The following GRIK2 variants were observed in gnomAD, a reference collection of about 807,000 sequenced individuals.
GRIK2 encodes the protein glutamate ionotropic receptor kainate type subunit 2, also known as glutamate receptor ionotropic, kainate 2.
Under a neutral mutation model 100.3 loss-of-function variants are expected in GRIK2, and 32 were observed. That is an observed-to-expected ratio of 0.32 (90% confidence interval 0.24 to 0.43). GRIK2 has a LOEUF of 0.43. GRIK2 is among the 20% of genes least tolerant of loss of function. The probability of loss-of-function intolerance (pLI) is 1.00; values close to 1 mark genes in which losing one functional copy is unlikely to be tolerated. For synonymous variants in GRIK2, 417 were observed against 389.4 expected, an observed-to-expected ratio of 1.07 and a Z score of -0.83; for missense variants, 843 against 1,114.9, an observed-to-expected ratio of 0.76 and a Z score of 3.47.
chr6:102,003,941 G>A (rs943088036), intron 14 of GRIK2, among the ~76,000 whole-genome samples: 2 of 151,392 alleles, frequency 1.3e-5, no homozygotes, highest in African/African-American at 4.8e-5. Flanking sequence ...AGGTATTAAA[G>A]TTTTATTTTT....
chr6:102,024,653 G>A (rs1308688257), intron 14 of GRIK2, among the ~76,000 whole-genome samples: 1 of 151,300 alleles, frequency 6.6e-6, no homozygotes, highest in African/African-American at 2.4e-5. Context: ...TCCCATTCTT[G>A]ATGTATGTGG....
chr6:101,412,682 T>C (rs571288967), intron 2 of GRIK2, among the ~76,000 whole-genome samples: 1 of 152,168 alleles, frequency 6.6e-6, no homozygotes, highest in African/African-American at 2.4e-5. Context: ...CATGTAAATA[T>C]GTAATTTCAA....
intron 3 of GRIK2, among the ~76,000 whole-genome samples, chr6:101,623,231 G>C (rs1243316529): frequency 1.3e-5 from 2 of 151,934 alleles, no homozygotes; most frequent in African/African-American, 4.8e-5. Flanking sequence ...CGAGATGAAA[G>C]TATCCTTCTT....
intron 12 of GRIK2, among the ~76,000 whole-genome samples, chr6:101,892,539 C>T (rs1006633989): frequency 2.6e-5 from 4 of 151,722 alleles, no homozygotes; most frequent in Non-Finnish European, 2.9e-5. Flanking sequence ...TTTACTGCTA[C>T]TGCTTTTATA....
At chr6:101,657,423 T>A (rs1365688900) in intron 4 of GRIK2, among the ~76,000 whole-genome samples, 1 of 152,174 alleles carries the variant, frequency 6.6e-6, no homozygotes, top group East Asian at 1.9e-4. Flanking sequence ...TAAACCTCTT[T>A]CCTTTATAAA....
intron 14 of GRIK2, among the ~76,000 whole-genome samples, chr6:101,933,814 C>T (rs1238581720): frequency 6.6e-6 from 1 of 151,884 alleles, no homozygotes; most frequent in Non-Finnish European, 1.5e-5. Context: ...ATAGAGCCCT[C>T]TATAGCTTTC....
At chr6:101,454,643 G>C (rs1323583835) in intron 2 of GRIK2, among the ~76,000 whole-genome samples, 2 of 151,988 alleles carry the variant, frequency 1.3e-5, no homozygotes, top group African/African-American at 4.8e-5. Context: ...TAAACCTTTG[G>C]TCAGTCCAAA....
chr6:101,700,706 T>C (rs534360585), intron 7 of GRIK2, among the ~76,000 whole-genome samples: 73 of 150,860 alleles, frequency 4.8e-4, no homozygotes, highest in Non-Finnish European at 8.2e-4. Flanking sequence ...GATCAGTCCC[T>C]TCTAACTTGA....
At chr6:101,502,217 A>T (rs1773793149) in intron 2 of GRIK2, among the ~76,000 whole-genome samples, 1 of 152,198 alleles carries the variant, frequency 6.6e-6, no homozygotes, top group African/African-American at 2.4e-5. Flanking sequence ...TCTATGAAGC[A>T]ATTTGGTACC....
chr6:101,792,925 C>G (rs1779988899), intron 7 of GRIK2, among the ~76,000 whole-genome samples: 1 of 152,034 alleles, frequency 6.6e-6, no homozygotes, highest in African/African-American at 2.4e-5. Flanking sequence ...TCTTTTTTCT[C>G]TAAACTTCCC....
chr6:101,781,201 TC>T (rs143917782), intron 7 of GRIK2, among the ~76,000 whole-genome samples: 6,912 of 152,240 alleles, frequency 0.045, 183 homozygotes, highest in Non-Finnish European at 0.057. Context: ...TATAGGTACT[TC>T]TTTCTTATCC....
intron 14 of GRIK2, among the ~76,000 whole-genome samples, chr6:102,000,946 C>A (rs79779936): frequency 6.6e-6 from 1 of 151,676 alleles, no homozygotes; most frequent in Non-Finnish European, 1.5e-5. Context: ...ATTTGTTTTT[C>A]TTTTTCTAAT....
chr6:101,720,503 G>C (rs181814890), intron 7 of GRIK2, among the ~76,000 whole-genome samples: 2 of 152,040 alleles, frequency 1.3e-5, no homozygotes, highest in African/African-American at 4.8e-5. Context: ...GTGTAGTATT[G>C]TCTATTAATA....
chr6:102,023,058 A>G (rs915767159), intron 14 of GRIK2, among the ~76,000 whole-genome samples: 3 of 151,542 alleles, frequency 2.0e-5, no homozygotes, highest in Non-Finnish European at 4.4e-5. Context: ...AGAGAATGGC[A>G]TACTGGAGAG....
intron 2 of GRIK2, among the ~76,000 whole-genome samples, chr6:101,523,312 T>C (rs1774975813): frequency 6.6e-6 from 1 of 152,122 alleles, no homozygotes; most frequent in Non-Finnish European, 1.5e-5. Context: ...AGGAATTTGC[T>C]GGAGGAAAAA....
At chr6:101,660,691 T>C (rs1769545718) in intron 4 of GRIK2, among the ~76,000 whole-genome samples, 1 of 152,162 alleles carries the variant, frequency 6.6e-6, no homozygotes, top group South Asian at 2.1e-4. Context: ...GTTGATGCCA[T>C]TCCTTTCTGT....
rs73761498 is a variant in GRIK2, at chr6:101,956,507, G to T, written c.2085+27875G>T. ...CCAATAGTGAACATTGTACACAATA[G>T]GTAATTTTCAATCCTCACTCCCTTC... On this transcript the variant is annotated intron_variant, in intron 14 of 16. Coordinates refer to ENST00000369134, the MANE Select transcript of GRIK2 (RefSeq NM_021956.5). Among the ~76,000 whole-genome samples, 1,245 of 151,974 alleles carry T rather than the reference G, an allele frequency of 8.2e-3. 17 individuals are homozygous for T. The highest frequency in any genetic ancestry group is 0.029 in the African/African-American group (1,210 of 41,494).
At chr6:101,984,994 A>G (rs1360790) in intron 14 of GRIK2, among the ~76,000 whole-genome samples, 100,498 of 151,336 alleles carry the variant, frequency 0.66, 35,395 homozygotes, top group South Asian at 0.8. Context: ...GTGGAACCCC[A>G]GAGACTTCTT....
intron 14 of GRIK2, among the ~76,000 whole-genome samples, chr6:101,936,046 A>G (rs961962713): frequency 2.0e-5 from 3 of 152,022 alleles, no homozygotes; most frequent in African/African-American, 7.2e-5. Context: ...TGTCTCACAT[A>G]TTGAAGTTTA....
Sources: gnomAD v4.1 joint callset for allele counts (sites outside exome capture counted in the v4.1 genomes callset) on GRCh38, gnomAD v4.1.1 for gene constraint, MANE v1.5 for transcripts, NCBI Gene and HGNC (gene_info 2026-07-23, HGNC 2026-07-21) for gene names.